TMEM178B: variants seen among roughly 807,000 people sequenced by gnomAD.
TMEM178B encodes the protein transmembrane protein 178B.
In TMEM178B, 5 loss-of-function variants were observed where a neutral mutation model predicts 31.0. The ratio of observed to expected loss-of-function variants is 0.16; its 90% CI spans 0.08 to 0.34. The LOEUF is 0.34. TMEM178B is among the 10% of genes least tolerant of loss of function. TMEM178B has a pLI of 1.00. For missense variants in TMEM178B, 275 were observed against 400.3 expected, an observed-to-expected ratio of 0.69 and a Z score of 2.67; for synonymous variants, 164 against 164.0, an observed-to-expected ratio of 1.00 and a Z score of 0.00.
Position 141,171,064 on chromosome 7 carries a change from A to C in TMEM178B, c.383-41527A>C, listed in dbSNP as rs997354164. 7.2e-6 allele frequency among the ~76,000 whole-genome samples: 1 copy of C among 139,566 alleles called. No homozygotes were observed. The highest frequency in any genetic ancestry group is 2.7e-5 in the African/African-American group (1 of 37,426). 91.6% of individuals were successfully genotyped at this position (139,566 alleles called of 152,430 possible). Reference sequence around the variant, plus strand: ...CACACACACACACACACACACACACACCCTAAATATAAATTAAAATAAATA... The same window carrying C: ...CACACACACACACACACACACACACCCCCTAAATATAAATTAAAATAAATA... On this transcript the variant is annotated intron_variant, in intron 1 of 3. Coordinates refer to ENST00000565468, the MANE Select transcript of TMEM178B (RefSeq NM_001195278.2). This position sits in a 1 kb window ranked among gnomAD's most constrained non-coding sequence, Gnocchi z 4.3.
Position 141,277,614 on chromosome 7 carries a change from A to G in TMEM178B, c.496+64910A>G, listed in dbSNP as rs1464834456. 2.6e-5 allele frequency among the ~76,000 whole-genome samples: 4 copies of G among 152,320 alleles called. No individual in the cohort carries two copies. In the East Asian group the frequency reaches 7.7e-4, roughly 29 times the overall value. ...CAGTAAAAAGTATAGTATAGTAAAT[A>G]CTAGATGACAGGAATTTTTCAGCTC... On this transcript the variant is annotated intron_variant, in intron 2 of 3. Coordinates refer to ENST00000565468, the MANE Select transcript of TMEM178B (RefSeq NM_001195278.2).
chr7:141,195,405 G>T (rs1796765707), intron 1 of TMEM178B, among the ~76,000 whole-genome samples: 1 of 152,170 alleles, frequency 6.6e-6, no homozygotes, highest in African/African-American at 2.4e-5. Context: ...CTCTCAGGCA[G>T]GGCCAAAATT....
At chr7:141,502,768 C>G in the TMEM178B span, among the ~76,000 whole-genome samples, 1 of 57,572 alleles carries the variant, frequency 1.7e-5, no homozygotes, top group African/African-American at 6.6e-5. Context: ...GAAACTCAGT[C>G]TAAAAAAAAA....
intron 3 of TMEM178B, among the ~76,000 whole-genome samples, chr7:141,463,366 A>G (rs1397071517): frequency 2.0e-5 from 3 of 152,300 alleles, no homozygotes; most frequent in African/African-American, 4.8e-5. Flanking sequence ...GGACTTTGCC[A>G]TCCAAAGGAC....
At chr7:141,211,219 G>A (rs1047396248) in intron 1 of TMEM178B, among the ~76,000 whole-genome samples, 10 of 152,194 alleles carry the variant, frequency 6.6e-5, no homozygotes, top group Admixed American at 2.0e-4. Context: ...TAAAGGAAAA[G>A]AGGCAGAAAA....
At chr7:141,211,103 A>G (rs1228780084) in intron 1 of TMEM178B, among the ~76,000 whole-genome samples, 5 of 152,110 alleles carry the variant, frequency 3.3e-5, no homozygotes, top group Non-Finnish European at 7.4e-5. Context: ...TTTTTCAACA[A>G]GTTTTGCAAG....
At chr7:141,233,547 C>A (rs558696251) in intron 2 of TMEM178B, among the ~76,000 whole-genome samples, 44 of 152,302 alleles carry the variant, frequency 2.9e-4, no homozygotes, top group African/African-American at 1.1e-3. Context: ...GGCACAGGCA[C>A]CTGTTAAGAG....
At chr7:141,087,091 A>G (rs1251652705) in intron 1 of TMEM178B, among the ~76,000 whole-genome samples, 1 of 152,190 alleles carries the variant, frequency 6.6e-6, no homozygotes, top group Non-Finnish European at 1.5e-5. Context: ...ATTCTGATAA[A>G]AAAGGTAAAA....
At chr7:141,345,570 G>A (rs1442343930) in intron 2 of TMEM178B, among the ~76,000 whole-genome samples, 3 of 152,150 alleles carry the variant, frequency 2.0e-5, no homozygotes, top group African/African-American at 4.8e-5. Context: ...TGTTATCCTT[G>A]TTATGTTCAA....
intron 1 of TMEM178B, among the ~76,000 whole-genome samples, chr7:141,096,018 A>G (rs776561744): frequency 7.9e-5 from 12 of 152,254 alleles, no homozygotes; most frequent in Non-Finnish European, 1.2e-4. Context: ...CATATCCTAC[A>G]AGGCCACTAC....
At chr7:141,225,481 A>T (rs184942414) in intron 2 of TMEM178B, among the ~76,000 whole-genome samples, 68 of 152,164 alleles carry the variant, frequency 4.5e-4, no homozygotes, top group African/African-American at 1.4e-3. Context: ...CATTGACATT[A>T]TGAGTTAAAT....
intron 2 of TMEM178B, among the ~76,000 whole-genome samples, chr7:141,274,434 A>T (rs1233036327): frequency 6.6e-6 from 1 of 152,138 alleles, no homozygotes; most frequent in East Asian, 1.9e-4. Context: ...AAAAATTTGG[A>T]TTTCATAGGT....
rs963940423 is a variant in TMEM178B at position 141,318,324 on chromosome 7, A to G, written c.496+105620A>G. On this transcript the variant is annotated intron_variant, in intron 2 of 3. Coordinates refer to ENST00000565468, the MANE Select transcript of TMEM178B (RefSeq NM_001195278.2). This position sits in a 1 kb window ranked among gnomAD's most constrained non-coding sequence, Gnocchi z 4.1. ...CTTATAACCCATTTTGAGAGTGGGA[A>G]TGGGGCTGCGAAATCAATAATTGGG... Among the ~76,000 whole-genome samples the G allele has an allele frequency of 1.3e-5, 2 of 152,200 alleles. No individual in the cohort carries two copies. Among genetic ancestry groups the G allele is most frequent in the African/African-American group, 4.8e-5 (2 of 41,460 alleles).
At chr7:141,332,164 C>T (rs1365281600) in intron 2 of TMEM178B, among the ~76,000 whole-genome samples, 1 of 152,200 alleles carries the variant, frequency 6.6e-6, no homozygotes, top group African/African-American at 2.4e-5. Context: ...AGAGCCAAGA[C>T]CCTCTTCCAA....
intron 2 of TMEM178B, among the ~76,000 whole-genome samples, chr7:141,335,775 G>A (rs73169533): frequency 0.095 from 14,394 of 152,072 alleles, 1,100 homozygotes; most frequent in East Asian, 0.23. Context: ...TGAGAAATTC[G>A]GGTGATGTTA....
intron 1 of TMEM178B, among the ~76,000 whole-genome samples, chr7:141,090,555 G>T (rs145982024): frequency 6.6e-6 from 1 of 152,320 alleles, no homozygotes; most frequent in African/African-American, 2.4e-5. Context: ...AAGGAAAGCA[G>T]ACTGTGCTTT....
intron 2 of TMEM178B, among the ~76,000 whole-genome samples, chr7:141,393,192 G>A (rs1268252383): frequency 1.3e-5 from 2 of 152,112 alleles, no homozygotes; most frequent in Non-Finnish European, 2.9e-5. Flanking sequence ...AATGGGAGGG[G>A]TGTTTTTCTT....
the TMEM178B span, among the ~76,000 whole-genome samples, chr7:141,510,589 G>A: frequency 3.4e-5 from 5 of 146,142 alleles, no homozygotes; most frequent in Middle Eastern, 3.7e-3. Context: ...GGAGACTGAG[G>A]CAGGAGAATC....
chr7:141,195,389 A>G (rs1345917359), intron 1 of TMEM178B, among the ~76,000 whole-genome samples: 1 of 152,216 alleles, frequency 6.6e-6, no homozygotes, highest in Non-Finnish European at 1.5e-5. Flanking sequence ...TCAAAGTTCC[A>G]CAAATCTCTC....
Sources: gnomAD v4.1 joint callset for allele counts (sites outside exome capture counted in the v4.1 genomes callset) on GRCh38, gnomAD v4.1.1 for gene constraint, Gnocchi (gnomAD v3.1) non-coding constraint, MANE v1.5 for transcripts, NCBI Gene and HGNC (gene_info 2026-07-23, HGNC 2026-07-21) for gene names.